Variants in DCC observed in about 807,000 individuals in gnomAD.
The protein encoded by DCC is netrin receptor DCC.
Under a neutral mutation model 172.5 loss-of-function variants are expected in DCC, and 58 were observed. That is an observed-to-expected ratio of 0.34 (90% CI 0.27 to 0.42). The LOEUF is 0.42. DCC is among the 10% of genes least tolerant of loss of function. The pLI, the probability that DCC is intolerant of heterozygous loss-of-function variation, is 1.00. For missense variants in DCC, 1,740 were observed against 1,791.0 expected, an observed-to-expected ratio of 0.97 and a Z score of 0.51; for synonymous variants, 709 against 644.5, an observed-to-expected ratio of 1.10 and a Z score of -1.52.
At chr18:52,934,003 T>A (rs1003350589) in intron 5 of DCC, among the ~76,000 whole-genome samples, 1 of 152,066 alleles carries the variant, frequency 6.6e-6, no homozygotes, top group Non-Finnish European at 1.5e-5. Context: ...GATCCCCTCC[T>A]AGCCTTCATG....
intron 15 of DCC, among the ~76,000 whole-genome samples, chr18:53,346,629 C>T (rs2057729532): frequency 6.6e-6 from 1 of 152,096 alleles, no homozygotes. Context: ...ATATTACAAT[C>T]TCCATTTTTT....
intron 2 of DCC, among the ~76,000 whole-genome samples, chr18:52,824,474 G>A (rs2038469562): frequency 6.6e-6 from 1 of 152,008 alleles, no homozygotes; most frequent in Non-Finnish European, 1.5e-5. Context: ...ACATCTTGAT[G>A]GCTTTAAATC....
At chr18:52,477,226 T>C (rs16955062) in intron 1 of DCC, among the ~76,000 whole-genome samples, 6,889 of 152,218 alleles carry the variant, frequency 0.045, 199 homozygotes, top group South Asian at 0.12. Flanking sequence ...GACTGTGGGA[T>C]CACCATTCCC....
chr18:52,343,139 G>A (rs1983730455), intron 1 of DCC, among the ~76,000 whole-genome samples: 1 of 152,222 alleles, frequency 6.6e-6, no homozygotes. Context: ...AGTGGATGGT[G>A]CATTTTTAAG....
At chr18:52,773,191 T>A (rs142946801) in intron 2 of DCC, among the ~76,000 whole-genome samples, 1 of 152,236 alleles carries the variant, frequency 6.6e-6, no homozygotes, top group African/African-American at 2.4e-5. Context: ...CTGAAAACTA[T>A]AGCCTATGTG....
At chr18:53,009,336 C>T (rs1262390988) in intron 5 of DCC, among the ~76,000 whole-genome samples, 2 of 151,904 alleles carry the variant, frequency 1.3e-5, no homozygotes, top group Non-Finnish European at 2.9e-5. Context: ...GAATGTTCCT[C>T]GAAGTCCAGA....
At chr18:52,894,872 T>G (rs1376697393) in intron 2 of DCC, among the ~76,000 whole-genome samples, 1 of 152,170 alleles carries the variant, frequency 6.6e-6, no homozygotes, top group Non-Finnish European at 1.5e-5. Context: ...AGTCTATTGA[T>G]TTAAATTTTA....
chr18:53,107,469 A>G (rs1329395893), intron 7 of DCC, among the ~76,000 whole-genome samples: 1 of 150,784 alleles, frequency 6.6e-6, no homozygotes, highest in African/African-American at 2.4e-5. Context: ...TATAGAAGAG[A>G]ATTGTGTCTG....
chr18:53,166,463 GA>G (rs2054923565), intron 8 of DCC, among the ~76,000 whole-genome samples: 1 of 152,084 alleles, frequency 6.6e-6, no homozygotes, highest in African/African-American at 2.4e-5. Context: ...CCCATCCCAA[GA>G]AAACAGAATG....
chr18:52,814,381 GAC>G (rs1405681267), intron 2 of DCC, among the ~76,000 whole-genome samples: 6 of 152,216 alleles, frequency 3.9e-5, no homozygotes, highest in African/African-American at 1.4e-4. Flanking sequence ...TGAGGAGGAA[GAC>G]ACAAGCAGCT....
chr18:52,363,959 C>T (rs959209723), intron 1 of DCC, among the ~76,000 whole-genome samples: 1 of 152,204 alleles, frequency 6.6e-6, no homozygotes, highest in Non-Finnish European at 1.5e-5. Flanking sequence ...CTGCCATCTA[C>T]ACTGTGCAAC....
chr18:52,609,489 G>C (rs2034204797), intron 1 of DCC, among the ~76,000 whole-genome samples: 1 of 151,994 alleles, frequency 6.6e-6, no homozygotes, highest in African/African-American at 2.4e-5. Context: ...TGTTGGATTG[G>C]GTCTGGGGCA....
intron 2 of DCC, among the ~76,000 whole-genome samples, chr18:52,843,550 ACT>A (rs1450098295): frequency 6.6e-6 from 1 of 152,152 alleles, no homozygotes; most frequent in Non-Finnish European, 1.5e-5. Context: ...AATTATTAAA[ACT>A]CATAATTAAA....
chr18:53,155,547 G>C (rs989141215), intron 7 of DCC, among the ~76,000 whole-genome samples: 1 of 152,070 alleles, frequency 6.6e-6, no homozygotes, highest in African/African-American at 2.4e-5. Flanking sequence ...AGAAAACCCT[G>C]TCTTACATAT....
At chr18:53,502,264 C>A (rs950278325) in intron 27 of DCC, among the ~76,000 whole-genome samples, 1 of 152,138 alleles carries the variant, frequency 6.6e-6, no homozygotes, top group African/African-American at 2.4e-5. Flanking sequence ...TGGAGGCATG[C>A]CCCGCCATCC....
chr18:52,806,440 A>G (rs1046569918), intron 2 of DCC, among the ~76,000 whole-genome samples: 1 of 152,214 alleles, frequency 6.6e-6, no homozygotes, highest in African/African-American at 2.4e-5. Flanking sequence ...AGTGCTCACC[A>G]AAATAGGGTC....
chr18:53,260,642 C>T (rs182151641), intron 12 of DCC, among the ~76,000 whole-genome samples: 313 of 152,204 alleles, frequency 2.1e-3, no homozygotes, highest in African/African-American at 7.2e-3. Flanking sequence ...TTAGGCTACT[C>T]GGGGGTCAGG....
chr18:52,991,179 A>G (rs979228641), intron 5 of DCC, among the ~76,000 whole-genome samples: 1 of 152,202 alleles, frequency 6.6e-6, no homozygotes, highest in Non-Finnish European at 1.5e-5. Context: ...TTCTGTTGCA[A>G]TTGTAGAACC....
intron 15 of DCC, among the ~76,000 whole-genome samples, chr18:53,344,412 T>G (rs2057697358): frequency 6.6e-6 from 1 of 151,100 alleles, no homozygotes; most frequent in South Asian, 2.1e-4. Context: ...TTGTTATTAT[T>G]GGTTTTCTTT....
Sources: gnomAD v4.1 joint callset for allele counts (sites outside exome capture counted in the v4.1 genomes callset) on GRCh38, gnomAD v4.1.1 for gene constraint, MANE v1.5 for transcripts, NCBI Gene and HGNC (gene_info 2026-07-23, HGNC 2026-07-21) for gene names.